APOB: variants seen among roughly 807,000 people sequenced by gnomAD.
APOB encodes apolipoprotein B-100.
In APOB, 153 loss-of-function variants were observed where a neutral mutation model predicts 314.1. The ratio of observed to expected loss-of-function variants is 0.49; its 90% CI spans 0.43 to 0.56. The LOEUF (loss-of-function observed/expected upper bound fraction) is 0.56, where lower values mean the gene tolerates loss of function less well. Ranked by LOEUF, APOB falls within the 20% of genes least tolerant of loss-of-function variation. The pLI is 0.00. For missense variants in APOB, 5,430 were observed against 5,350.7 expected, an observed-to-expected ratio of 1.01 and a Z score of -0.46; for synonymous variants, 2,087 against 2,036.4, an observed-to-expected ratio of 1.02 and a Z score of -0.67.
chr2:21,043,465 G>GT, intron 2 of APOB, 48 bp downstream of exon 2: 1 of 1,573,506 alleles, frequency 6.4e-7, no homozygotes, highest in Non-Finnish European at 8.6e-7. Context: ...GTGTAGGAGA[G>GT]TGCACGGGGC....
Position 21,012,451 on chromosome 2 carries a change from A to G in APOB, c.4417T>C (p.Ser1473Pro). The change falls in exon 26 of 29, where the codon TCC becomes CCC. Residue 1473 changes from serine (S) to proline (P), a missense_variant. By Grantham distance (74) the Ser-to-Pro change is moderately conservative. Coordinates refer to ENST00000233242, the MANE Select transcript of APOB (RefSeq NM_000384.3). The stretch of plus-strand genomic sequence containing the variant: ...ACAAACAAATGCTGTTTCTTTTTGG[A>G]GTCCAAATGAACTGAAGCAGACATC... ...PQMSASVHLD[S>P]KKKQHLFVKE... The G allele has an allele frequency of 1.2e-6, 2 of 1,614,172 alleles. No individual in the cohort carries two copies. The highest frequency in any genetic ancestry group is 1.7e-6 in the Non-Finnish European group (2 of 1,180,004).
At position 21,005,530 on chromosome 2, in the gene APOB, C is replaced by A. The variant is rs781430883; in HGVS notation, c.11338G>T (p.Ala3780Ser). ...IYKKLRTSSF[A>S]LNLPTLPEVK... ...TCGGGGAGTGTTGGTAGGTTGAGGG[C>A]AAATGATGAAGTTCTCAGCTTCTTA... Residue 3780 changes from alanine (A) to serine (S), a missense_variant, in exon 26 of 29, where the codon GCC (alanine) becomes TCC (serine). Physicochemically the swap from Ala to Ser is moderately conservative, Grantham distance 99. Transcript: ENST00000233242. 11 of 1,613,994 alleles carry A rather than the reference C, an allele frequency of 6.8e-6. No individual in the cohort carries two copies. The highest frequency in any genetic ancestry group is 2.2e-5 in the South Asian group (2 of 91,086).
At chr2:21,005,013 A>G in intron 26 of APOB, 67 bp downstream of exon 26, 2 of 1,580,786 alleles carry the variant, frequency 1.3e-6, no homozygotes, top group Non-Finnish European at 1.7e-6. Flanking sequence ...CTAAATACAT[A>G]ATTATTTACT....
chr2:21,013,121 G>C (rs1663373253), intron 25 of APOB, 39 bp downstream of exon 25: 4 of 1,612,176 alleles, frequency 2.5e-6, no homozygotes, highest in Non-Finnish European at 3.4e-6. Context: ...AGCCTGCCAT[G>C]AACTAGCCCG....
In APOB at chr2:21,009,013, C is replaced by T; in HGVS notation, c.7855G>A (p.Val2619Ile). Residue 2619 changes from valine (V) to isoleucine (I), a missense_variant, in exon 26 of 29, where the codon GTC becomes ATC. Physicochemically the swap from Val to Ile is conservative, Grantham distance 29. This residue lies in a region of APOB where 3,281 missense variants were observed against 3,171.0 expected (regional missense o/e 1.03). Transcript: ENST00000233242. ...KATFQTPDFI[V>I]PLTDLRIPSV... ...GGAATCCTCAAATCTGTTAGGGGGA[C>T]TATAAAATCAGGTGTCTGGAAGGTA... is the stretch of plus-strand genomic sequence containing the variant. 4.3e-6 allele frequency: 7 copies of T among 1,613,998 alleles called. No homozygotes were observed. Among genetic ancestry groups the T allele is most frequent in the Non-Finnish European group, 2.5e-6 (3 of 1,179,940 alleles).
chr2:21,003,089 A>T lies in APOB; in HGVS notation c.12333T>A (p.Asn4111Lys). The change falls in exon 29 of 29, where the codon AAT becomes AAA. Residue 4111 changes from asparagine to lysine, a missense_variant. Transcript: ENST00000233242. ...SSKLRRNLQN[N>K]AEWVYQGAIR... ...TGGCCCCTTGATAAACCCACTCAGC[A>T]TTGTTCTGCAGATTTCTTCTCAGCT... 1 of 1,592,138 alleles carries T rather than the reference A, an allele frequency of 6.3e-7. No homozygotes were observed. The highest frequency in any genetic ancestry group is 8.6e-7 in the Non-Finnish European group (1 of 1,168,384).
chr2:21,034,410 G>T (rs1256633344), intron 8 of APOB, among the ~76,000 whole-genome samples: 1 of 152,182 alleles, frequency 6.6e-6, no homozygotes, highest in African/African-American at 2.4e-5. Flanking sequence ...GTAAGGGTTG[G>T]ACTTGAGATT....
intron 1 of APOB, 40 bp downstream of exon 1, chr2:21,043,824 T>C: frequency 6.5e-7 from 1 of 1,533,924 alleles, no homozygotes; most frequent in Admixed American, 1.9e-5. Flanking sequence ...GCCGGCTCCC[T>C]CCCGCTCCCT....
chr2:21,035,463 A>G, intron 7 of APOB, 121 bp downstream of exon 7: 2 of 1,350,528 alleles, frequency 1.5e-6, no homozygotes, highest in Non-Finnish European at 1.0e-6. Context: ...GAGGGGCGGC[A>G]TTTTATCCCT....
rs1663175776 is a variant in APOB at position 21,007,445 on chromosome 2, T to C, written c.9423A>G (p.Ile3141Met). 6.2e-7 allele frequency: 1 copy of C among 1,614,098 alleles called. No individual in the cohort carries two copies. Among genetic ancestry groups the C allele is most frequent in the Non-Finnish European group, 8.5e-7 (1 of 1,179,960 alleles). Residue 3141 changes from isoleucine to methionine, a missense_variant, in exon 26 of 29, where the codon ATA becomes ATG. Around this residue, in one of 3 missense-constraint regions of APOB, gnomAD observed 3,281 missense variants for 3,171.0 expected, o/e 1.03. Transcript: ENST00000233242. ...TIPEMRLPYT[I>M]ITTPPLKDFS... ...AATCTTTCAGTGGAGGAGTTGTGAT[T>C]ATTGTGTAAGGTAGACGCATTTCAG...
rs750236722 is a variant in APOB at position 21,008,376 on chromosome 2, G to A, written c.8492C>T (p.Ser2831Phe). The A allele has an allele frequency of 3.1e-6, 5 of 1,614,028 alleles. No individual in the cohort carries two copies. The South Asian group carries it at 5.5e-5, about 18-fold the overall frequency. ...ATGCTCCGTTCTCAGGTACTTGCTG[G>A]AGAACTTCACTGACTCCTTCAGAGC... is the stretch of plus-strand genomic sequence containing the variant. ...PLALKESVKF[S>F]SKYLRTEHGS... Residue 2831 changes from serine to phenylalanine, a missense_variant, in exon 26 of 29, where the codon TCC becomes TTC. Ser to Phe is a radical substitution (Grantham distance 155). Around this residue, in one of 3 missense-constraint regions of APOB, gnomAD observed 3,281 missense variants for 3,171.0 expected, o/e 1.03. Coordinates refer to ENST00000233242, the MANE Select transcript of APOB (RefSeq NM_000384.3).
rs1473684992 is a variant in APOB, at chr2:21,007,600, T to C, written c.9268A>G (p.Ser3090Gly). The C allele has an allele frequency of 1.2e-6, 2 of 1,614,100 alleles. No individual in the cohort carries two copies. Among genetic ancestry groups the C allele is most frequent in the South Asian group, 1.1e-5 (1 of 91,080 alleles). ...PSAQQASWQV[S>G]ARFNQYKYNQ... ...TACTTATACTGATTGAACCTAGCAC[T>C]TACTTGCCAACTTGCTTGCTGGGCA... The change falls in exon 26 of 29, where the codon AGT (serine) becomes GGT (glycine). Residue 3090 changes from serine (S) to glycine (G), a missense_variant. Coordinates refer to ENST00000233242, the MANE Select transcript of APOB (RefSeq NM_000384.3).
At chr2:21,023,482 GA>G (rs1418929773) in intron 17 of APOB, 42 bp downstream of exon 17, 1 of 1,607,812 alleles carries the variant, frequency 6.2e-7, no homozygotes, top group Non-Finnish European at 8.5e-7. Flanking sequence ...CACCCTGGAA[GA>G]AAGTAATAAC....
rs1350147987 is a variant in APOB, at chr2:21,011,238, G to A, written c.5630C>T (p.Ser1877Leu). The change falls in exon 26 of 29, where the codon TCA (serine) becomes TTA (leucine). Residue 1877 changes from serine to leucine, a missense_variant. Coordinates refer to ENST00000233242, the MANE Select transcript of APOB (RefSeq NM_000384.3). ...ATAGTTTGTGCTCATGTCAATGGCTGAAGCCAGCCCAGCGATGTCTGTGTT... is the reference window on the plus strand; with the variant it reads ...ATAGTTTGTGCTCATGTCAATGGCTAAAGCCAGCCCAGCGATGTCTGTGTT... ...RLNTDIAGLA[S>L]AIDMSTNYNS... 1 of 1,614,216 alleles carries A rather than the reference G, an allele frequency of 6.2e-7. No individual in the cohort carries two copies. Among genetic ancestry groups the A allele is most frequent in the African/African-American group, 1.3e-5 (1 of 75,062 alleles).
At chr2:21,035,443 G>T (rs1159627432) in intron 7 of APOB, 141 bp downstream of exon 7, 29 of 1,096,838 alleles carry the variant, frequency 2.6e-5, no homozygotes. Flanking sequence ...CGCTTAAAAA[G>T]GGGGACAGGG....
At position 21,032,564 on chromosome 2, in the gene APOB, G is replaced by C. The variant is rs1663908089; in HGVS notation, c.1142C>G (p.Ala381Gly). The C allele has an allele frequency of 6.2e-7, 1 of 1,614,060 alleles. No individual in the cohort carries two copies. The highest frequency in any genetic ancestry group is 8.5e-7 in the Non-Finnish European group (1 of 1,179,946). The change falls in exon 10 of 29, where the codon GCC (alanine) becomes GGC (glycine). Residue 381 changes from alanine to glycine, a missense_variant. Around this residue, in one of 3 missense-constraint regions of APOB, gnomAD observed 2,085 missense variants for 2,079.7 expected, o/e 1.00. Coordinates refer to ENST00000233242, the MANE Select transcript of APOB (RefSeq NM_000384.3). The stretch of plus-strand genomic sequence containing the variant: ...CTGAGGCTGTCCACACTGAACCAAG[G>C]CTTGTAAAGTGATGGGGCTGAGAAG... Reference protein sequence around the residue: ...IEVSSPITLQALVQCGQPQCS... With the variant: ...IEVSSPITLQGLVQCGQPQCS...
rs775412156 is a variant in APOB at position 21,040,906 on chromosome 2, A to C, written c.383+32T>G. 5.0e-6 allele frequency: 8 copies of C among 1,612,970 alleles called. No individual in the cohort carries two copies. The Admixed American group carries it at 1.3e-4, about 27-fold the overall frequency. On this transcript the variant is annotated intron_variant, in intron 4 of 28. Coordinates refer to ENST00000233242, the MANE Select transcript of APOB (RefSeq NM_000384.3). ...AGTTCATACCTCAGCGGACACACAC[A>C]CATGCGTGTGCTCATGTACAACATG...
intron 23 of APOB, 134 bp from the exon 24 acceptor site, chr2:21,014,727 A>G (rs941690000): frequency 5.6e-5 from 51 of 904,256 alleles, no homozygotes; most frequent in East Asian, 1.0e-4. Flanking sequence ...AAAATAAATA[A>G]CAGAAAATTA....
Position 21,040,987 on chromosome 2 carries a change from A to G in APOB, c.334T>C (p.Leu112=). 1.2e-6 allele frequency: 2 copies of G among 1,614,060 alleles called. No individual in the cohort carries two copies. The highest frequency in any genetic ancestry group is 1.7e-6 in the Non-Finnish European group (2 of 1,180,028). The change falls in exon 4 of 29, where the codon TTG becomes CTG. Residue 112 remains leucine, a synonymous_variant. Transcript: ENST00000233242. ...VYGFNPEGKA[L]LKKTKNSEEF... Reference sequence around the variant, plus strand: ...TCAGAGTTCTTGGTTTTCTTCAGCAAGGCTTTGCCCTCAGGGTTGAAGCCA... The same window carrying G: ...TCAGAGTTCTTGGTTTTCTTCAGCAGGGCTTTGCCCTCAGGGTTGAAGCCA...
Sources: allele counts gnomAD v4.1 joint callset (sites outside exome capture counted in the v4.1 genomes callset), GRCh38; gene constraint gnomAD v4.1.1; regional missense constraint gnomAD v4.1.1; transcripts MANE v1.5; gene names NCBI Gene and HGNC (gene_info 2026-07-23, HGNC 2026-07-21).